The following GPC3 variants were observed in gnomAD, a reference collection of about 807,000 sequenced individuals.
GPC3 encodes glypican-3.
Under a neutral mutation model 34.4 loss-of-function variants are expected in GPC3, and 3 were observed. That is an observed-to-expected ratio of 0.09 (90% CI 0.04 to 0.23). GPC3 has a LOEUF of 0.23. GPC3 is among the 10% of genes least tolerant of loss of function. The pLI, the probability that GPC3 is intolerant of heterozygous loss-of-function variation, is 1.00. For synonymous variants in GPC3, 177 were observed against 174.0 expected (o/e 1.02, Z -0.13); for missense variants, 351 against 445.6 (o/e 0.79, Z 1.91).
chrX:133,536,355 T>C, intron 7 of GPC3, 62 bp from the exon 8 acceptor site: 2 of 865,856 alleles, frequency 2.3e-6, no homozygotes, highest in Non-Finnish European at 3.4e-6. Flanking sequence ...TATAACACTA[T>C]GCACAGCTCG....
intron 2 of GPC3, among the ~76,000 whole-genome samples, chrX:133,766,630 C>T (rs1010191171): frequency 8.9e-6 from 1 of 111,860 alleles, no homozygotes; most frequent in Non-Finnish European, 1.9e-5. Flanking sequence ...TATGTGTACT[C>T]GTGCATGCAT....
chrX:133,549,713 G>A (rs767493979), intron 7 of GPC3, among the ~76,000 whole-genome samples: 17 of 77,914 alleles, frequency 2.2e-4, no homozygotes, highest in Admixed American at 5.6e-4. Context: ...CCCCTCTCCT[G>A]TCTCTCCTTC....
At chrX:133,763,249 T>G (rs749434152) in intron 2 of GPC3, 1 of 558,943 alleles carries the variant, frequency 1.8e-6, no homozygotes, top group African/African-American at 2.2e-5. Context: ...TCACACAGAT[T>G]CTCCTCTGTG....
At chrX:133,723,400 A>G (rs2071386250) in intron 3 of GPC3, among the ~76,000 whole-genome samples, 1 of 111,915 alleles carries the variant, frequency 8.9e-6, no homozygotes, top group Non-Finnish European at 1.9e-5. Context: ...TCCCCAAACT[A>G]AATGTATTTT....
chrX:133,860,882 G>A (rs758568772), intron 2 of GPC3, among the ~76,000 whole-genome samples: 20 of 111,453 alleles, frequency 1.8e-4, no homozygotes, highest in African/African-American at 6.5e-4. Context: ...CAGGTGGATC[G>A]CCTGAGCTCA....
chrX:133,627,502 A>C (rs770548780), intron 6 of GPC3, among the ~76,000 whole-genome samples: 24 of 111,549 alleles, frequency 2.2e-4, no homozygotes, highest in Non-Finnish European at 3.6e-4. Context: ...ATGGCATAGG[A>C]GGTTGTTATA....
intron 2 of GPC3, among the ~76,000 whole-genome samples, chrX:133,894,479 TTTAAG>T (rs1342524181): frequency 8.9e-6 from 1 of 111,747 alleles, no homozygotes. Context: ...AACAGAATGG[TTTAAG>T]TTCTCTAACA....
intron 7 of GPC3, among the ~76,000 whole-genome samples, chrX:133,572,623 T>TA (rs967900045): frequency 4.5e-5 from 5 of 110,189 alleles, no homozygotes; most frequent in African/African-American, 1.6e-4. Context: ...AAAACAGAGA[T>TA]AAAAAAGGGA....
intron 1 of GPC3, among the ~76,000 whole-genome samples, chrX:133,981,565 A>G (rs1032282525): frequency 4.5e-5 from 5 of 111,976 alleles, no homozygotes; most frequent in African/African-American, 1.6e-4. Context: ...TCAAAGTTTC[A>G]AAGTTTTAAC....
chrX:133,643,630 A>T (rs2070507461), intron 6 of GPC3, among the ~76,000 whole-genome samples: 2 of 111,440 alleles, frequency 1.8e-5, no homozygotes, highest in African/African-American at 3.3e-5. Flanking sequence ...TTAATTTTTT[A>T]AAAAATTGGA....
intron 2 of GPC3, among the ~76,000 whole-genome samples, chrX:133,933,778 G>A (rs952203235): frequency 9.1e-6 from 1 of 110,075 alleles, no homozygotes; most frequent in Admixed American, 9.7e-5. Flanking sequence ...AAAGCTTCCT[G>A]AGGCCTCCCC....
chrX:133,757,305 G>T (rs758908332), intron 2 of GPC3, among the ~76,000 whole-genome samples: 3 of 111,543 alleles, frequency 2.7e-5, no homozygotes, highest in Admixed American at 1.9e-4. Flanking sequence ...CCACCCTTTG[G>T]ACATGCTCCA....
chrX:133,628,021 T>C (rs1182484981), intron 6 of GPC3, among the ~76,000 whole-genome samples: 1 of 112,585 alleles, frequency 8.9e-6, no homozygotes, highest in Non-Finnish European at 1.9e-5. Context: ...AGGGAAAATA[T>C]GTCTTAAGAA....
At chrX:133,580,492 C>G (rs770746188) in intron 7 of GPC3, among the ~76,000 whole-genome samples, 1 of 111,652 alleles carries the variant, frequency 9.0e-6, no homozygotes, top group Non-Finnish European at 1.9e-5. Flanking sequence ...AGAAGGAAAG[C>G]TAGAACAAGA....
At chrX:133,749,133 C>T (rs1005158966) in intron 3 of GPC3, among the ~76,000 whole-genome samples, 12 of 111,519 alleles carry the variant, frequency 1.1e-4, no homozygotes, top group Admixed American at 1.0e-3. Context: ...TTATGGCACG[C>T]GCCTGTAATC....
At chrX:133,969,251 A>G (rs986652142) in intron 1 of GPC3, among the ~76,000 whole-genome samples, 1 of 111,303 alleles carries the variant, frequency 9.0e-6, no homozygotes, top group African/African-American at 3.3e-5. Context: ...GAAATAATTA[A>G]GAAGAAGAGA....
chrX:133,975,312 C>T (rs1011798358), intron 1 of GPC3, among the ~76,000 whole-genome samples: 7 of 112,581 alleles, frequency 6.2e-5, no homozygotes, highest in African/African-American at 2.3e-4. Context: ...TCTAATTCAT[C>T]TTCACTCCAC....
chrX:133,758,184 C>T (rs967559164), intron 2 of GPC3, among the ~76,000 whole-genome samples: 2 of 111,624 alleles, frequency 1.8e-5, no homozygotes, highest in African/African-American at 6.5e-5. Context: ...TTTGACCCAG[C>T]AATCCTAATA....
chrX:133,686,107 G>A (rs1339952102), intron 5 of GPC3, among the ~76,000 whole-genome samples: 1 of 111,934 alleles, frequency 8.9e-6, no homozygotes, highest in Non-Finnish European at 1.9e-5. Flanking sequence ...AAAGTCACTA[G>A]GGAAATATAA....
Sources: gnomAD v4.1 joint callset for allele counts (sites outside exome capture counted in the v4.1 genomes callset) on GRCh38, gnomAD v4.1.1 for gene constraint, MANE v1.5 for transcripts, NCBI Gene and HGNC (gene_info 2026-07-23, HGNC 2026-07-21) for gene names.